RCCD1: variants seen among roughly 807,000 people sequenced by gnomAD.
The protein encoded by RCCD1 is RCC1 domain-containing protein 1.
In RCCD1, 40 loss-of-function variants were observed where a neutral mutation model predicts 37.6. The ratio of observed to expected loss-of-function variants is 1.06; its 90% CI spans 0.83 to 1.39. RCCD1 has a LOEUF of 1.39. RCCD1 is among the 40% of genes most tolerant of loss of function. The pLI is 0.00. For synonymous variants in RCCD1, 263 were observed against 230.0 expected, an observed-to-expected ratio of 1.14 and a Z score of -1.30; for missense variants, 577 against 517.3, an observed-to-expected ratio of 1.12 and a Z score of -1.12.
At position 90,961,878 on chromosome 15, in the gene RCCD1, C is replaced by T. The variant is rs2037322914; in HGVS notation, c.*109C>T. 3 of 1,105,312 alleles carry T rather than the reference C, an allele frequency of 2.7e-6. No homozygotes were observed. Among genetic ancestry groups the T allele is most frequent in the East Asian group, 2.4e-5 (1 of 41,386 alleles). 68.5% of individuals were successfully genotyped at this position (1,105,312 alleles called of 1,614,324 possible). ...ATATTTGCCCCTCCCCATCACAGTC[C>T]TGCCCTTCACCCTCAAGCACGGTCC... On this transcript the variant is annotated 3_prime_UTR_variant, in exon 8 of 8. Coordinates refer to ENST00000394258, the MANE Select transcript of RCCD1 (RefSeq NM_001017919.2).
In RCCD1 at chr15:90,960,006, T is replaced by G; in HGVS notation, c.778+8T>G. 1.9e-6 allele frequency: 3 copies of G among 1,602,952 alleles called. No individual in the cohort carries two copies. Among genetic ancestry groups the G allele is most frequent in the Non-Finnish European group, 2.6e-6 (3 of 1,172,700 alleles). Reference sequence around the variant, plus strand: ...AGACTGTCGCAAGGGAAGGTGAGGGTCATCTCGGCTCCCACAGCCGTCTCC... The same window carrying G: ...AGACTGTCGCAAGGGAAGGTGAGGGGCATCTCGGCTCCCACAGCCGTCTCC... On this transcript the variant is annotated splice_region_variant and intron_variant, in intron 5 of 7. Transcript: ENST00000394258.
chr15:90,957,595 C>T lies in RCCD1; in HGVS notation c.558-9C>T, dbSNP rs765158352. The T allele has an allele frequency of 5.0e-6, 8 of 1,614,046 alleles. No homozygotes were observed. The highest frequency in any genetic ancestry group is 1.6e-4 in the Middle Eastern group (1 of 6,062). On this transcript the variant is annotated splice_polypyrimidine_tract_variant and intron_variant, in intron 3 of 7. Coordinates refer to ENST00000394258, the MANE Select transcript of RCCD1 (RefSeq NM_001017919.2). ...GCGACTGTAGCTGACGACGGTCTCC[C>T]TTGCTCAGGCATGGACAGCTGGGCC...
At chr15:90,958,953 CAAA>C (rs5814449) in intron 4 of RCCD1, among the ~76,000 whole-genome samples, 2 of 134,702 alleles carry the variant, frequency 1.5e-5, no homozygotes, top group South Asian at 4.5e-4. Flanking sequence ...AAAAAAAAAA[CAAA>C]AAAAAAAAAC....
Position 90,962,914 on chromosome 15 carries a change from G to A in RCCD1, c.*1145G>A, listed in dbSNP as rs1329621781. On this transcript the variant is annotated 3_prime_UTR_variant, in exon 8 of 8. Coordinates refer to ENST00000394258, the MANE Select transcript of RCCD1 (RefSeq NM_001017919.2). ...CTTAGGTGATGCTTACTCCATGCCA[G>A]GTAAGGCTCAAAGTGCTTTACAAGT... 6.6e-6 allele frequency: 1 copy of A among 152,228 alleles called. No homozygotes were observed. The highest frequency in any genetic ancestry group is 1.9e-4 in the East Asian group (1 of 5,188). The allele number at this position is 152,228 out of a possible 1,614,324, so 9.4% of individuals were successfully genotyped here. A position where few individuals can be genotyped will look rare whatever the true frequency, so the allele number is the denominator to read the frequency against.
At chr15:90,960,649 T>A in intron 6 of RCCD1, 151 bp downstream of exon 6, 1 of 706,700 alleles carries the variant, frequency 1.4e-6, no homozygotes, top group South Asian at 1.9e-5. Context: ...CCTTGTTGTT[T>A]CACAGTAGTT....
chr15:90,957,058 TC>T (rs1338729423), intron 2 of RCCD1, 54 bp from the exon 3 acceptor site: 3 of 1,295,064 alleles, frequency 2.3e-6, no homozygotes, highest in East Asian at 6.3e-5. Flanking sequence ...AACACCCCGC[TC>T]CCCCCATCCC....
chr15:90,956,666 G>T lies in RCCD1; in HGVS notation c.-69G>T. On this transcript the variant is annotated 5_prime_UTR_variant, in exon 2 of 8. Coordinates refer to ENST00000394258, the MANE Select transcript of RCCD1 (RefSeq NM_001017919.2). ...GAGACTTGCCAGTGTCCCACTAGCG[G>T]GCTCTTCGCAAGAATCCCCCCGGGC... is the stretch of plus-strand genomic sequence containing the variant. The T allele has an allele frequency of 2.4e-6, 3 of 1,225,928 alleles. No homozygotes were observed. The highest frequency in any genetic ancestry group is 3.2e-5 in the East Asian group (1 of 31,640). The allele number at this position is 1,225,928 out of a possible 1,614,324, so 75.9% of individuals were successfully genotyped here.
Position 90,960,367 on chromosome 15 carries a change from C to T in RCCD1, c.818C>T (p.Thr273Met), listed in dbSNP as rs757241432. 1.6e-5 allele frequency: 26 copies of T among 1,612,806 alleles called. No homozygotes were observed. Among genetic ancestry groups the T allele is most frequent in the South Asian group, 1.1e-4 (10 of 90,936 alleles). ...LNEDGSQVKR[T>M]GGAEDGAPAP... is the part of the protein sequence containing the mutation. ...GAAGATGGTTCTCAGGTGAAGAGAA[C>T]GGGTGGGGCTGAGGATGGAGCCCCT... Residue 273 changes from threonine (T) to methionine (M), a missense_variant, in exon 6 of 8, where the codon ACG (threonine) becomes ATG (methionine). Transcript: ENST00000394258.
At position 90,962,183 on chromosome 15, in the gene RCCD1, TTG is replaced by T. The variant is rs1399255229; in HGVS notation, c.*418_*419del. On this transcript the variant is annotated 3_prime_UTR_variant, in exon 8 of 8. Coordinates refer to ENST00000394258, the MANE Select transcript of RCCD1 (RefSeq NM_001017919.2). ...TTGTATGCAGCCTTATACGACATAG[TTG>T]TGTTTGCTTTTGAGTGTTAGATAAA... is the stretch of plus-strand genomic sequence containing the variant. 7 of 157,696 alleles carry T rather than the reference TTG, an allele frequency of 4.4e-5. No homozygotes were observed. The highest frequency in any genetic ancestry group is 4.2e-4 in the Admixed American group (7 of 16,498). The allele number at this position is 157,696 out of a possible 1,614,324, so 9.8% of individuals were successfully genotyped here. A position where few individuals can be genotyped will look rare whatever the true frequency, so the allele number is the denominator to read the frequency against.
chr15:90,960,940 A>G (rs2037302435), intron 6 of RCCD1, 85 bp from the exon 7 acceptor site: 2 of 1,229,272 alleles, frequency 1.6e-6, no homozygotes, highest in South Asian at 1.2e-5. Flanking sequence ...GTAATATGCT[A>G]GCTGTGGGCT....
In RCCD1 at chr15:90,961,685, T is replaced by C. The variant is rs766877905; in HGVS notation, c.1047T>C (p.Phe349=). 3.7e-6 allele frequency: 6 copies of C among 1,614,048 alleles called. No homozygotes were observed. Among genetic ancestry groups the C allele is most frequent in the Non-Finnish European group, 8.5e-7 (1 of 1,180,036 alleles). Residue 349 remains phenylalanine (F), a synonymous_variant, in exon 8 of 8, where the codon TTT becomes TTC. Transcript: ENST00000394258. ...ATCGGCCTCGCCGTGTGGAATACTTTGTAGATAAGCAACTCCAAGTAAAGG... is the reference window on the plus strand; with the variant it reads ...ATCGGCCTCGCCGTGTGGAATACTTCGTAGATAAGCAACTCCAAGTAAAGG... ...SLDRPRRVEY[F]VDKQLQVKAV...
At position 90,954,938 on chromosome 15, in the gene RCCD1, C is replaced by G. The variant is rs923305512; in HGVS notation, c.-134C>G. On this transcript the variant is annotated 5_prime_UTR_variant, in exon 1 of 8. Coordinates refer to ENST00000394258, the MANE Select transcript of RCCD1 (RefSeq NM_001017919.2). Reference sequence around the variant, plus strand: ...TGTCGGGTTTTGAGCTGCCGCGGTCCCGGGACTGAGGTGGGTGGCGGGGTC... The same window carrying G: ...TGTCGGGTTTTGAGCTGCCGCGGTCGCGGGACTGAGGTGGGTGGCGGGGTC... The G allele has an allele frequency of 2.6e-5, 4 of 152,488 alleles. No individual in the cohort carries two copies. Among genetic ancestry groups the G allele is most frequent in the African/African-American group, 9.6e-5 (4 of 41,476 alleles). 9.4% of individuals were successfully genotyped at this position (152,488 alleles called of 1,614,324 possible).
In RCCD1 at chr15:90,954,899, A is replaced by C. The variant is rs1407192432; in HGVS notation, c.-173A>C. 1 of 152,352 alleles carries C rather than the reference A, an allele frequency of 6.6e-6. No homozygotes were observed. The highest frequency in any genetic ancestry group is 1.5e-5 in the Non-Finnish European group (1 of 68,122). 9.4% of individuals were successfully genotyped at this position (152,352 alleles called of 1,614,324 possible). On this transcript the variant is annotated 5_prime_UTR_variant, in exon 1 of 8. An upstream start codon of the reference 5' UTR is lost. Coordinates refer to ENST00000394258, the MANE Select transcript of RCCD1 (RefSeq NM_001017919.2). Reference sequence around the variant, plus strand: ...GGTAAAAGCTGCTTCCTGTTGGGGCATGAGTCCGGCGCGTGTCGGGTTTTG... The same window carrying C: ...GGTAAAAGCTGCTTCCTGTTGGGGCCTGAGTCCGGCGCGTGTCGGGTTTTG...
chr15:90,960,597 C>T (rs1596254953), intron 6 of RCCD1, 99 bp downstream of exon 6: 3 of 1,146,000 alleles, frequency 2.6e-6, no homozygotes, highest in African/African-American at 3.1e-5. Flanking sequence ...TTCTGTGGCT[C>T]ATACAGAGCA....
chr15:90,960,194 T>A (rs1418259273), intron 5 of RCCD1, 134 bp from the exon 6 acceptor site: 1 of 1,006,626 alleles, frequency 9.9e-7, no homozygotes, highest in East Asian at 2.4e-5. Context: ...GCCTGCAGAA[T>A]GTAGGGGTTG....
chr15:90,957,030 A>G (rs11073963), intron 2 of RCCD1, 83 bp from the exon 3 acceptor site: 283,529 of 1,290,226 alleles, frequency 0.22, 34,300 homozygotes, highest in East Asian at 0.52. Context: ...TTGGTCCCCA[A>G]TTCGACCCCT....
At chr15:90,956,164 C>T (rs28378307) in intron 1 of RCCD1, among the ~76,000 whole-genome samples, 1 of 152,192 alleles carries the variant, frequency 6.6e-6, no homozygotes, top group South Asian at 2.1e-4. Flanking sequence ...GCACTGCCTC[C>T]CAAACGCTCT....
Position 90,961,047 on chromosome 15 carries a change from G to C in RCCD1, c.972G>C (p.Trp324Cys). 1 of 1,613,786 alleles carries C rather than the reference G, an allele frequency of 6.2e-7. No homozygotes were observed. Among genetic ancestry groups the C allele is most frequent in the Non-Finnish European group, 8.5e-7 (1 of 1,179,934 alleles). Residue 324 changes from tryptophan (W) to cysteine (C), a missense_variant, in exon 7 of 8, where the codon TGG (tryptophan) becomes TGC (cysteine). Coordinates refer to ENST00000394258, the MANE Select transcript of RCCD1 (RefSeq NM_001017919.2). ...VVTRTGELYT[W>C]GWGKYGQLGH... Reference sequence around the variant, plus strand: ...CAGGAACAGGGGAGCTCTACACCTGGGGCTGGGGTAAGTAAAAGGATTGTT... The same window carrying C: ...CAGGAACAGGGGAGCTCTACACCTGCGGCTGGGGTAAGTAAAAGGATTGTT...
In RCCD1 at chr15:90,961,690, A is replaced by T; in HGVS notation, c.1052A>T (p.Asp351Val). 1 of 1,614,210 alleles carries T rather than the reference A, an allele frequency of 6.2e-7. No homozygotes were observed. The highest frequency in any genetic ancestry group is 8.5e-7 in the Non-Finnish European group (1 of 1,180,030). The change falls in exon 8 of 8, where the codon GAT becomes GTT. Residue 351 changes from aspartate to valine, a missense_variant. By Grantham distance (152) the Asp-to-Val change is radical (BLOSUM62 -3). Transcript: ENST00000394258. The part of the protein sequence containing the change: ...DRPRRVEYFV[D>V]KQLQVKAVTC... The stretch of plus-strand genomic sequence containing the variant: ...CCTCGCCGTGTGGAATACTTTGTAG[A>T]TAAGCAACTCCAAGTAAAGGCTGTC...
Sources: allele counts gnomAD v4.1 joint callset (sites outside exome capture counted in the v4.1 genomes callset), GRCh38; gene constraint gnomAD v4.1.1; transcripts MANE v1.5; gene names NCBI Gene and HGNC (gene_info 2026-07-23, HGNC 2026-07-21).